EEPD1: variants seen among roughly 807,000 people sequenced by gnomAD.
EEPD1 encodes the protein endonuclease/exonuclease/phosphatase family domain-containing protein 1.
A neutral mutation model predicts 46.3 loss-of-function variants in EEPD1; 17 were observed. That is an observed-to-expected ratio of 0.37 (90% CI 0.25 to 0.55). The LOEUF is 0.55. Among genes scored for constraint, EEPD1 ranks in the 20% least tolerant of loss-of-function variants. The pLI is 0.83. For synonymous variants in EEPD1, 313 were observed against 315.6 expected, an observed-to-expected ratio of 0.99 and a Z score of 0.09; for missense variants, 673 against 745.6, an observed-to-expected ratio of 0.90 and a Z score of 1.13.
intron 3 of EEPD1, among the ~76,000 whole-genome samples, chr7:36,274,760 A>C (rs1341293326): frequency 6.6e-6 from 1 of 152,124 alleles, no homozygotes; most frequent in East Asian, 1.9e-4. Context: ...CCGTGTGCTC[A>C]CCCACAGATA....
At chr7:36,259,171 C>T (rs913429103) in intron 3 of EEPD1, among the ~76,000 whole-genome samples, 1 of 152,176 alleles carries the variant, frequency 6.6e-6, no homozygotes, top group Non-Finnish European at 1.5e-5. Context: ...CCGTGGGCTG[C>T]ACCCACTGTC....
At chr7:36,280,355 G>C (rs1787241535) in intron 3 of EEPD1, among the ~76,000 whole-genome samples, 1 of 152,162 alleles carries the variant, frequency 6.6e-6, no homozygotes, top group African/African-American at 2.4e-5. Flanking sequence ...CGTAGGGGTG[G>C]TTAGAGAAAT....
intron 2 of EEPD1, among the ~76,000 whole-genome samples, chr7:36,183,514 A>T (rs1202118521): frequency 6.6e-6 from 1 of 152,074 alleles, no homozygotes; most frequent in Non-Finnish European, 1.5e-5. Flanking sequence ...TCTGTTTGTG[A>T]GCTTCACACC....
chr7:36,259,790 A>C (rs535773826), intron 3 of EEPD1, among the ~76,000 whole-genome samples: 63 of 152,348 alleles, frequency 4.1e-4, no homozygotes, highest in African/African-American at 1.5e-3. Flanking sequence ...TGCTGGGATT[A>C]CAGGCATGAG....
intron 2 of EEPD1, among the ~76,000 whole-genome samples, chr7:36,218,116 T>C (rs1195086159): frequency 6.6e-6 from 1 of 152,150 alleles, no homozygotes; most frequent in Non-Finnish European, 1.5e-5. Context: ...TGATTGTTAT[T>C]AAGAACTGCG....
At chr7:36,211,736 C>A (rs923931028) in intron 2 of EEPD1, among the ~76,000 whole-genome samples, 1 of 151,932 alleles carries the variant, frequency 6.6e-6, no homozygotes, top group African/African-American at 2.4e-5. Context: ...ACCAGCTTGG[C>A]GAACATGGCG....
chr7:36,157,873 T>G (rs1784848893), intron 2 of EEPD1, among the ~76,000 whole-genome samples: 1 of 152,188 alleles, frequency 6.6e-6, no homozygotes, highest in Admixed American at 6.5e-5. Context: ...CCAAGAGCTG[T>G]GTGTTCGTCC....
At chr7:36,278,970 T>C (rs946404412) in intron 3 of EEPD1, among the ~76,000 whole-genome samples, 1 of 152,128 alleles carries the variant, frequency 6.6e-6, no homozygotes, top group African/African-American at 2.4e-5. Flanking sequence ...TTGAGCAAAT[T>C]CCAGAGAGAA....
chr7:36,295,602 G>C (rs954944243), intron 6 of EEPD1, among the ~76,000 whole-genome samples: 13 of 152,194 alleles, frequency 8.5e-5, no homozygotes, highest in African/African-American at 2.7e-4. Context: ...TTTTGATGAG[G>C]GATGCAGTGA....
chr7:36,281,310 T>C (rs1330802009), intron 4 of EEPD1, 85 bp downstream of exon 4: 2 of 1,206,104 alleles, frequency 1.7e-6, no homozygotes, highest in Non-Finnish European at 1.2e-6. Flanking sequence ...AAAAATTTCC[T>C]TTGCCAATAT....
At chr7:36,181,025 C>G (rs1350752361) in intron 2 of EEPD1, among the ~76,000 whole-genome samples, 1 of 152,162 alleles carries the variant, frequency 6.6e-6, no homozygotes. Context: ...AAGGATTCCC[C>G]AGGGTGCTTT....
intron 7 of EEPD1, 103 bp from the exon 8 acceptor site, chr7:36,298,904 C>A: frequency 7.2e-7 from 1 of 1,382,532 alleles, no homozygotes; most frequent in Non-Finnish European, 1.0e-6. Context: ...CCGGGCACCC[C>A]GGCCTGCAGA....
intron 6 of EEPD1, among the ~76,000 whole-genome samples, chr7:36,289,557 C>T (rs1398416364): frequency 3.3e-5 from 5 of 152,350 alleles, no homozygotes; most frequent in African/African-American, 7.2e-5. Flanking sequence ...TGCAGAGGCA[C>T]GATCTCGGCT....
intron 2 of EEPD1, among the ~76,000 whole-genome samples, chr7:36,211,814 A>T (rs947884096): frequency 4.0e-5 from 6 of 151,892 alleles, no homozygotes; most frequent in Non-Finnish European, 8.8e-5. Context: ...AAACCCAGCT[A>T]CTCAGGAGGC....
At position 36,193,130 on chromosome 7, in the gene EEPD1, G is replaced by A. The variant is rs907281556; in HGVS notation, c.878+37928G>A. Among the ~76,000 whole-genome samples, 6 of 152,220 alleles carry A rather than the reference G, an allele frequency of 3.9e-5. No homozygotes were observed. The highest frequency in any genetic ancestry group is 1.4e-4 in the African/African-American group (6 of 41,454). On this transcript the variant is annotated intron_variant, in intron 2 of 7. Coordinates refer to ENST00000242108, the MANE Select transcript of EEPD1 (RefSeq NM_030636.3). This position sits in a 1 kb window ranked among gnomAD's most constrained non-coding sequence, Gnocchi z 4.9. ...GGAGGCAAGCCGGGCACAGAGCAGT[G>A]CGTCATGATGGGGGCACAGGATTCC... is the stretch of plus-strand genomic sequence containing the variant.
intron 2 of EEPD1, chr7:36,229,347 A>C (rs1786279847): frequency 1.3e-5 from 2 of 152,194 alleles, no homozygotes; most frequent in South Asian, 4.1e-4. Context: ...CTGAGAGAAA[A>C]ACTGGGTCCC....
At chr7:36,296,166 G>T (rs1787522222) in intron 6 of EEPD1, among the ~76,000 whole-genome samples, 1 of 152,024 alleles carries the variant, frequency 6.6e-6, no homozygotes. Context: ...TGGATGGATG[G>T]ATACTGTGGG....
chr7:36,154,341 G>C lies in EEPD1; in HGVS notation c.17G>C (p.Gly6Ala), dbSNP rs745753282. Residue 6 changes from glycine (G) to alanine (A), a missense_variant, in exon 2 of 8, where the codon GGC becomes GCC. By Grantham distance (60) the Gly-to-Ala change is moderately conservative (BLOSUM62 0). Transcript: ENST00000242108. This position sits in a 1 kb window ranked among gnomAD's most constrained non-coding sequence, Gnocchi z 4.2. ...TGGCGGACCATGGGGAGCACCCTGGGCTGCCACCGCTCCATCCCCAGGGAC... is the reference window on the plus strand; with the variant it reads ...TGGCGGACCATGGGGAGCACCCTGGCCTGCCACCGCTCCATCCCCAGGGAC... MGSTL[G>A]CHRSIPRDPS... The C allele has an allele frequency of 6.2e-7, 1 of 1,610,330 alleles. No individual in the cohort carries two copies.
intron 6 of EEPD1, 68 bp downstream of exon 6, chr7:36,287,845 C>A (rs2115885157): frequency 6.4e-7 from 1 of 1,562,560 alleles, no homozygotes; most frequent in Non-Finnish European, 8.7e-7. Flanking sequence ...CTCTTCTGAG[C>A]CATCTCTGAC....
Sources: gnomAD v4.1 joint callset for allele counts (sites outside exome capture counted in the v4.1 genomes callset) on GRCh38, gnomAD v4.1.1 for gene constraint, Gnocchi (gnomAD v3.1) non-coding constraint, MANE v1.5 for transcripts, NCBI Gene and HGNC (gene_info 2026-07-23, HGNC 2026-07-21) for gene names.